The following SLC1A1 variants were observed in gnomAD, a reference collection of about 807,000 sequenced individuals.
SLC1A1 encodes the protein solute carrier family 1 member 1, also known as excitatory amino acid transporter 3.
In SLC1A1, 43 loss-of-function variants were observed where a neutral mutation model predicts 53.3. The observed-to-expected ratio is 0.81, with a 90% confidence interval of 0.63 to 1.04. SLC1A1 has a LOEUF of 1.04. Ranked by LOEUF, SLC1A1 falls within the 50% of genes least tolerant of loss-of-function variation. The probability of loss-of-function intolerance (pLI) is 0.00; values close to 1 mark genes in which losing one functional copy is unlikely to be tolerated. For synonymous variants in SLC1A1, 307 were observed against 243.2 expected, an observed-to-expected ratio of 1.26 and a Z score of -2.44; for missense variants, 748 against 664.9, an observed-to-expected ratio of 1.12 and a Z score of -1.37.
chr9:4,498,241 T>C (rs1049858347), intron 1 of SLC1A1, among the ~76,000 whole-genome samples: 1 of 152,240 alleles, frequency 6.6e-6, no homozygotes, highest in African/African-American at 2.4e-5. Context: ...AACTGTTCTG[T>C]GTTTGAACTG....
chr9:4,515,415 T>C (rs1391888468), intron 1 of SLC1A1, among the ~76,000 whole-genome samples: 2 of 152,202 alleles, frequency 1.3e-5, no homozygotes, highest in Non-Finnish European at 1.5e-5. Context: ...GATACGTTTA[T>C]TTTTCCTTTG....
At chr9:4,541,056 C>T (rs751416298) in intron 1 of SLC1A1, among the ~76,000 whole-genome samples, 21 of 152,166 alleles carry the variant, frequency 1.4e-4, no homozygotes, top group South Asian at 1.0e-3. Flanking sequence ...GGGAAGGAAG[C>T]GCAAGAATGG....
At chr9:4,532,857 C>T (rs1431981486) in intron 1 of SLC1A1, among the ~76,000 whole-genome samples, 1 of 152,176 alleles carries the variant, frequency 6.6e-6, no homozygotes, top group Non-Finnish European at 1.5e-5. Context: ...AGACTAACAG[C>T]TGATCTCTCG....
intron 10 of SLC1A1, among the ~76,000 whole-genome samples, chr9:4,580,955 G>C (rs1412527025): frequency 6.6e-6 from 1 of 152,082 alleles, no homozygotes; most frequent in Non-Finnish European, 1.5e-5. Context: ...ATGCAGGTTT[G>C]TTACATAGGT....
In SLC1A1 at chr9:4,561,475, T is replaced by C. The variant is rs370670632; in HGVS notation, c.259T>C (p.Ser87Pro). Residue 87 changes from serine (S) to proline (P), a missense_variant, in exon 3 of 12, where the codon TCC becomes CCC. Coordinates refer to ENST00000262352, the MANE Select transcript of SLC1A1 (RefSeq NM_004170.6). Reference sequence around the variant, plus strand: ...TGTTGCTGCACTGGATTCCAACGTATCCGGAAAAATTGGTCTGCGCGCTGT... The same window carrying C: ...TGTTGCTGCACTGGATTCCAACGTACCCGGAAAAATTGGTCTGCGCGCTGT... ...TGVAALDSNV[S>P]GKIGLRAVVY... 1.9e-6 allele frequency: 3 copies of C among 1,609,484 alleles called. No homozygotes were observed. The highest frequency in any genetic ancestry group is 2.6e-6 in the Non-Finnish European group (3 of 1,175,760).
At chr9:4,518,692 T>C (rs1187308094) in intron 1 of SLC1A1, among the ~76,000 whole-genome samples, 3 of 152,134 alleles carry the variant, frequency 2.0e-5, no homozygotes, top group Non-Finnish European at 4.4e-5. Flanking sequence ...TCAGTCCCAT[T>C]CTGTCCATCA....
intron 1 of SLC1A1, among the ~76,000 whole-genome samples, chr9:4,502,601 G>A (rs1412215371): frequency 6.6e-6 from 1 of 151,530 alleles, no homozygotes; most frequent in Non-Finnish European, 1.5e-5. Flanking sequence ...TTTACCAGAT[G>A]AGGAAACTGA....
intron 1 of SLC1A1, among the ~76,000 whole-genome samples, chr9:4,505,865 C>A (rs1379167391): frequency 1.3e-5 from 2 of 152,100 alleles, no homozygotes; most frequent in Non-Finnish European, 2.9e-5. Context: ...TCTCTGTCAC[C>A]CAGAATGGAG....
chr9:4,536,898 A>G (rs530624535), intron 1 of SLC1A1, among the ~76,000 whole-genome samples: 10 of 152,128 alleles, frequency 6.6e-5, no homozygotes, highest in Non-Finnish European at 1.0e-4. Flanking sequence ...TTGTAGGGAC[A>G]TGTATGAAGC....
intron 10 of SLC1A1, among the ~76,000 whole-genome samples, chr9:4,578,535 GAGA>G (rs1436258540): frequency 6.6e-6 from 1 of 152,160 alleles, no homozygotes; most frequent in African/African-American, 2.4e-5. Flanking sequence ...GAGGGAGAGG[GAGA>G]AGGACAGAGA....
chr9:4,573,867 T>A, intron 7 of SLC1A1, 40 bp from the exon 8 acceptor site: 1 of 1,394,862 alleles, frequency 7.2e-7, no homozygotes, highest in Non-Finnish European at 1.0e-6. Flanking sequence ...GAGAAAGCAC[T>A]TGATGACGGA....
intron 1 of SLC1A1, among the ~76,000 whole-genome samples, chr9:4,495,703 G>A (rs1174388333): frequency 6.6e-6 from 1 of 151,608 alleles, no homozygotes; most frequent in Non-Finnish European, 1.5e-5. Context: ...GAGGCTGGGG[G>A]CAGAGCAATA....
chr9:4,565,331 C>A (rs563838180), intron 4 of SLC1A1, among the ~76,000 whole-genome samples: 90 of 152,088 alleles, frequency 5.9e-4, no homozygotes, highest in Non-Finnish European at 1.0e-3. Context: ...TAAAATGAAC[C>A]CTTGGTAAGT....
At chr9:4,564,609 T>C (rs760477981) in intron 4 of SLC1A1, 151 bp downstream of exon 4, 2 of 685,842 alleles carry the variant, frequency 2.9e-6, no homozygotes, top group South Asian at 1.5e-5. Context: ...ACCCACAAAT[T>C]ACATAGCCAG....
chr9:4,520,856 G>A (rs1294070239), intron 1 of SLC1A1, among the ~76,000 whole-genome samples: 1 of 152,098 alleles, frequency 6.6e-6, no homozygotes, highest in Non-Finnish European at 1.5e-5. Flanking sequence ...TTCCACAGAG[G>A]CTGCAACATT....
At chr9:4,496,575 T>C (rs1820430486) in intron 1 of SLC1A1, among the ~76,000 whole-genome samples, 1 of 152,044 alleles carries the variant, frequency 6.6e-6, no homozygotes, top group South Asian at 2.1e-4. Flanking sequence ...TGAGTCTGAC[T>C]GAACCTGAAG....
chr9:4,545,416 G>GA (rs377418931), intron 2 of SLC1A1, among the ~76,000 whole-genome samples: 6 of 151,856 alleles, frequency 4.0e-5, no homozygotes, highest in African/African-American at 9.7e-5. Flanking sequence ...TGGGGCATGG[G>GA]AAAAAAAAGC....
chr9:4,513,738 A>G (rs1423275851), intron 1 of SLC1A1, among the ~76,000 whole-genome samples: 2 of 152,200 alleles, frequency 1.3e-5, no homozygotes, highest in Non-Finnish European at 2.9e-5. Context: ...TTCACACAAA[A>G]ATCTGTATGT....
rs1309034897 is a variant in SLC1A1, at chr9:4,556,200, A to G, written c.233-5249A>G. Among the ~76,000 whole-genome samples, 1 of 151,834 alleles carries G rather than the reference A, an allele frequency of 6.6e-6. No individual in the cohort carries two copies. Among genetic ancestry groups the G allele is most frequent in the African/African-American group, 2.4e-5 (1 of 41,346 alleles). On this transcript the variant is annotated intron_variant, in intron 2 of 11. Transcript: ENST00000262352. This position sits in a 1 kb window ranked among gnomAD's most constrained non-coding sequence, Gnocchi z 4.1. ...TTGTTTTTGTTTTTTTGTTTTTTTA[A>G]GTAGAGATGGGGTTTCACCATGTTG...
Sources: allele counts gnomAD v4.1 joint callset (sites outside exome capture counted in the v4.1 genomes callset), GRCh38; gene constraint gnomAD v4.1.1; non-coding constraint Gnocchi (gnomAD v3.1); transcripts MANE v1.5; gene names NCBI Gene and HGNC (gene_info 2026-07-23, HGNC 2026-07-21).